Variants in CMTM4 observed in about 807,000 individuals in gnomAD.
CMTM4 encodes the protein CKLF-like MARVEL transmembrane domain-containing protein 4.
A neutral mutation model predicts 19.0 loss-of-function variants in CMTM4; 8 were observed. The ratio of observed to expected loss-of-function variants is 0.42; its 90% CI spans 0.25 to 0.76. The LOEUF (loss-of-function observed/expected upper bound fraction) is 0.76. CMTM4 is among the 30% of genes least tolerant of loss of function. The pLI, the probability that CMTM4 is intolerant of heterozygous loss-of-function variation, is 0.27. For synonymous variants in CMTM4, 106 were observed against 121.1 expected (o/e 0.88, Z 0.82); for missense variants, 228 against 290.2 (o/e 0.79, Z 1.56).
At chr16:66,612,702 C>A, downstream of CMTM4, 1 of 1,510,936 alleles carries the variant, frequency 6.6e-7, no homozygotes, top group Non-Finnish European at 9.2e-7. This position sits in a 1 kb window ranked among gnomAD's most constrained non-coding sequence, Gnocchi z 6.0. Flanking sequence ...TCACAGGGGT[C>A]GCTGGCGTTG....
intron 1 of CMTM4, among the ~76,000 whole-genome samples, chr16:66,684,687 T>C (rs953858988): frequency 6.6e-6 from 1 of 152,314 alleles, no homozygotes; most frequent in Non-Finnish European, 1.5e-5. Context: ...TGTTTAAAAA[T>C]AGGATAGTTT....
intron 1 of CMTM4, among the ~76,000 whole-genome samples, chr16:66,667,898 G>GTAGTTACCATCTT (rs1390340385): frequency 1.3e-5 from 2 of 152,036 alleles, no homozygotes; most frequent in African/African-American, 4.8e-5. Context: ...AAAAAAAAAA[G>GTAGTTACCATCTT]TAGTTACCAT....
At chr16:66,670,168 C>T (rs559151048) in intron 1 of CMTM4, among the ~76,000 whole-genome samples, 4 of 151,970 alleles carry the variant, frequency 2.6e-5, no homozygotes, top group South Asian at 2.1e-4. Flanking sequence ...GCACTTCGGC[C>T]GGGCACGATG....
At chr16:66,666,774 T>C (rs1023600061) in intron 1 of CMTM4, among the ~76,000 whole-genome samples, 2 of 152,182 alleles carry the variant, frequency 1.3e-5, no homozygotes, top group African/African-American at 4.8e-5. Flanking sequence ...TGCAGCAACA[T>C]GGATGGAGCT....
At chr16:66,646,326 C>T (rs1391823721) in intron 1 of CMTM4, among the ~76,000 whole-genome samples, 1 of 151,892 alleles carries the variant, frequency 6.6e-6, no homozygotes, top group Non-Finnish European at 1.5e-5. Flanking sequence ...ACACTCCTGT[C>T]GTGTTTGAAT....
the CMTM4 span, chr16:66,604,676 C>T: frequency 2.7e-5 from 18 of 663,798 alleles, no homozygotes; most frequent in Non-Finnish European, 3.5e-5. Context: ...CGGGGCGTGG[C>T]GGCGGGGGAT....
chr16:66,654,799 G>T (rs890565730), intron 1 of CMTM4, among the ~76,000 whole-genome samples: 1 of 152,162 alleles, frequency 6.6e-6, no homozygotes, highest in African/African-American at 2.4e-5. Flanking sequence ...GATGCTAAAG[G>T]ATTGCTGTGA....
chr16:66,629,249 C>T (rs2015802795), intron 2 of CMTM4, among the ~76,000 whole-genome samples: 1 of 151,546 alleles, frequency 6.6e-6, no homozygotes, highest in South Asian at 2.1e-4. Context: ...GCTCTAGCCT[C>T]TGTCCTATCC....
At chr16:66,683,150 T>C (rs1485627055) in intron 1 of CMTM4, among the ~76,000 whole-genome samples, 1 of 128,090 alleles carries the variant, frequency 7.8e-6, no homozygotes, top group Non-Finnish European at 1.6e-5. Context: ...TATATATGTA[T>C]ATATATATAC....
At chr16:66,646,062 C>CA (rs1187735258) in intron 1 of CMTM4, among the ~76,000 whole-genome samples, 2 of 152,074 alleles carry the variant, frequency 1.3e-5, no homozygotes, top group African/African-American at 4.8e-5. Context: ...AAACACAAGG[C>CA]AGAGAGATGG....
intron 1 of CMTM4, among the ~76,000 whole-genome samples, chr16:66,663,193 T>C (rs940149981): frequency 8.5e-5 from 13 of 152,114 alleles, no homozygotes; most frequent in African/African-American, 2.9e-4. Context: ...TCCCATAACA[T>C]AATAAACAAA....
intron 1 of CMTM4, among the ~76,000 whole-genome samples, chr16:66,692,097 G>A (rs529717632): frequency 2.7e-5 from 4 of 146,180 alleles, no homozygotes; most frequent in African/African-American, 7.5e-5. Flanking sequence ...AGGTTTTGTT[G>A]TTTTTTTTTT....
At position 66,654,707 on chromosome 16, in the gene CMTM4, C is replaced by G. The variant is rs147129124; in HGVS notation, c.187-18126G>C. On this transcript the variant is annotated intron_variant, in intron 1 of 3. Transcript: ENST00000394106. ...TGTGACCCTGGGCACATTTACTTCT[C>G]TTCTCTGAGCCTCTCTTTATAAATT... 3.3e-5 allele frequency among the ~76,000 whole-genome samples: 5 copies of G among 152,346 alleles called. No individual in the cohort carries two copies. The East Asian group carries it at 9.6e-4, about 29-fold the overall frequency.
At chr16:66,646,281 CAG>C (rs1266223903) in intron 1 of CMTM4, among the ~76,000 whole-genome samples, 2 of 152,130 alleles carry the variant, frequency 1.3e-5, no homozygotes, top group African/African-American at 4.8e-5. Flanking sequence ...AGGTGGGGAA[CAG>C]GGGAATCACA....
intron 1 of CMTM4, among the ~76,000 whole-genome samples, chr16:66,649,478 C>CTA (rs1412253821): frequency 6.6e-6 from 1 of 151,888 alleles, no homozygotes; most frequent in Non-Finnish European, 1.5e-5. Context: ...ATCTATCTAT[C>CTA]TATCTATCTA....
At chr16:66,626,785 G>GA (rs896294363) in intron 2 of CMTM4, among the ~76,000 whole-genome samples, 1 of 149,818 alleles carries the variant, frequency 6.7e-6, no homozygotes, top group Non-Finnish European at 1.5e-5. Context: ...AAAAAAAAAA[G>GA]AAAAAAAAGG....
chr16:66,691,020 G>A (rs1223123286), intron 1 of CMTM4, among the ~76,000 whole-genome samples: 1 of 152,170 alleles, frequency 6.6e-6, no homozygotes, highest in Non-Finnish European at 1.5e-5. Flanking sequence ...AGGAGGCTGA[G>A]GCAGGAGGCT....
chr16:66,677,198 T>A (rs1040768158), intron 1 of CMTM4, among the ~76,000 whole-genome samples: 4 of 152,076 alleles, frequency 2.6e-5, no homozygotes, highest in African/African-American at 9.7e-5. Flanking sequence ...GATTGTGTCA[T>A]TATACTCTAG....
chr16:66,625,434 C>CAA (rs565431475), intron 2 of CMTM4, among the ~76,000 whole-genome samples: 1 of 76,414 alleles, frequency 1.3e-5, no homozygotes. Context: ...AACTCTGTCT[C>CAA]AAAAAAAAAA....
Sources: gnomAD v4.1 joint callset for allele counts (sites outside exome capture counted in the v4.1 genomes callset) on GRCh38, gnomAD v4.1.1 for gene constraint, Gnocchi (gnomAD v3.1) non-coding constraint, MANE v1.5 for transcripts, NCBI Gene and HGNC (gene_info 2026-07-23, HGNC 2026-07-21) for gene names.